Variants in PTPRG observed in about 807,000 individuals in gnomAD.
The protein encoded by PTPRG is protein tyrosine phosphatase receptor type G.
PTPRG carries 102 observed loss-of-function variants against 165.3 expected under a neutral mutation model. That is an observed-to-expected ratio of 0.62 (90% CI 0.53 to 0.73). The LOEUF (loss-of-function observed/expected upper bound fraction) is 0.73, where lower values mean the gene tolerates loss of function less well. Ranked by LOEUF, PTPRG falls within the 30% of genes least tolerant of loss-of-function variation. The probability of loss-of-function intolerance (pLI) is 0.00; values close to 1 mark genes in which losing one functional copy is unlikely to be tolerated. For missense variants in PTPRG, 1,866 were observed against 1,861.4 expected (o/e 1.00, Z -0.05); for synonymous variants, 675 against 669.5 (o/e 1.01, Z -0.13).
At chr3:62,259,838 T>C (rs1701639791) in intron 16 of PTPRG, among the ~76,000 whole-genome samples, 1 of 152,060 alleles carries the variant, frequency 6.6e-6, no homozygotes, top group Non-Finnish European at 1.5e-5. Context: ...TAAATGGCAA[T>C]AAAGCAATAA....
chr3:61,681,563 T>C (rs1437772372), intron 1 of PTPRG, among the ~76,000 whole-genome samples: 1 of 152,134 alleles, frequency 6.6e-6, no homozygotes, highest in Non-Finnish European at 1.5e-5. Context: ...TTGTTTCACC[T>C]TGATATATTT....
intron 1 of PTPRG, among the ~76,000 whole-genome samples, chr3:61,701,418 C>T (rs916003821): frequency 6.6e-6 from 1 of 152,046 alleles, no homozygotes; most frequent in Non-Finnish European, 1.5e-5. Flanking sequence ...AGGCTCGGGT[C>T]ACATTTTCTT....
intron 3 of PTPRG, among the ~76,000 whole-genome samples, chr3:61,997,221 C>A (rs568434454): frequency 2.2e-4 from 34 of 152,314 alleles, no homozygotes; most frequent in African/African-American, 8.2e-4. Context: ...CAGCTCCTCA[C>A]TTATTTCTAC....
At chr3:61,909,917 A>G (rs1194865068) in intron 2 of PTPRG, among the ~76,000 whole-genome samples, 1 of 152,210 alleles carries the variant, frequency 6.6e-6, no homozygotes, top group Non-Finnish European at 1.5e-5. Context: ...CATCAGGTTC[A>G]GAGAGTTTAG....
In PTPRG at chr3:62,252,137, A is replaced by G. The variant is rs751428416; in HGVS notation, c.2468-2987A>G. Among the ~76,000 whole-genome samples, 5 of 152,020 alleles carry G rather than the reference A, an allele frequency of 3.3e-5. No individual in the cohort carries two copies. The highest frequency in any genetic ancestry group is 4.8e-5 in the African/African-American group (2 of 41,378). ...CCACCACCACCACTGCATCAGTGAC[A>G]TTTACTCCCACTGTCATCAAATCCA... On this transcript the variant is annotated intron_variant, in intron 15 of 29. Transcript: ENST00000474889. This position sits in a 1 kb window ranked among gnomAD's most constrained non-coding sequence, Gnocchi z 4.6.
At chr3:61,893,397 T>C (rs1304291843) in intron 2 of PTPRG, among the ~76,000 whole-genome samples, 2 of 152,206 alleles carry the variant, frequency 1.3e-5, no homozygotes, top group Admixed American at 6.5e-5. Flanking sequence ...CCCCATAAGG[T>C]AGTCAATGTC....
chr3:62,222,680 A>G lies in PTPRG; in HGVS notation c.2288+3697A>G, dbSNP rs925709078. On this transcript the variant is annotated intron_variant, in intron 13 of 29. Coordinates refer to ENST00000474889, the MANE Select transcript of PTPRG (RefSeq NM_002841.4). The surrounding 1 kb of genome is among the most constrained non-coding windows in gnomAD (Gnocchi z 4.5). ...CCAAAGGACCATCAAGACCTAAAAA[A>G]GTGAGTAGAAGGTTCAGCTAAGTAT... Among the ~76,000 whole-genome samples the G allele has an allele frequency of 6.6e-6, 1 of 152,232 alleles. No homozygotes were observed. The highest frequency in any genetic ancestry group is 6.5e-5 in the Admixed American group (1 of 15,290).
At chr3:62,003,528 CTG>C in intron 4 of PTPRG, 31 bp downstream of exon 4, 1 of 1,610,966 alleles carries the variant, frequency 6.2e-7, no homozygotes, top group East Asian at 2.2e-5. Context: ...CAACGTGTAG[CTG>C]TGCTTCGGTC....
At chr3:61,643,156 C>T (rs986309246) in intron 1 of PTPRG, among the ~76,000 whole-genome samples, 5 of 152,024 alleles carry the variant, frequency 3.3e-5, no homozygotes, top group South Asian at 2.1e-4. Flanking sequence ...GAGACATATC[C>T]ATGAAAGTCT....
At chr3:61,583,100 G>A (rs1206407997) in intron 1 of PTPRG, among the ~76,000 whole-genome samples, 1 of 152,218 alleles carries the variant, frequency 6.6e-6, no homozygotes, top group Non-Finnish European at 1.5e-5. Context: ...AATCATGCAT[G>A]TCTGGGACTT....
Position 62,281,668 on chromosome 3 carries a change from G to GAACAAATT in PTPRG, c.3873_3880dup (p.Ile1294AsnfsTer19). 1 of 1,610,696 alleles carries GAACAAATT rather than the reference G, an allele frequency of 6.2e-7. No individual in the cohort carries two copies. The highest frequency in any genetic ancestry group is 1.1e-5 in the South Asian group (1 of 90,904). On this transcript the variant is annotated frameshift_variant, in exon 27 of 30. Transcript: ENST00000474889. LOFTEE classifies it high-confidence loss of function. ...AGACAGACTGTGCCTCTCTAATGAA[G>GAACAAATT]AACAAATTATCATCCATGACTTTAT...
At chr3:61,860,434 CTTTTTTTTTTT>C (rs766688465) in intron 2 of PTPRG, among the ~76,000 whole-genome samples, 67 of 95,558 alleles carry the variant, frequency 7.0e-4, no homozygotes, top group East Asian at 4.0e-3. Flanking sequence ...GTTTTTGTTC[CTTTTTTTTTTT>C]TTTTTTTTTT....
At chr3:61,863,100 G>C (rs1441622531) in intron 2 of PTPRG, among the ~76,000 whole-genome samples, 1 of 152,214 alleles carries the variant, frequency 6.6e-6, no homozygotes, top group Admixed American at 6.5e-5. Flanking sequence ...ACTGCACAAG[G>C]ATGTGCAGAC....
At chr3:61,576,566 C>G (rs539077353) in intron 1 of PTPRG, among the ~76,000 whole-genome samples, 1 of 152,278 alleles carries the variant, frequency 6.6e-6, no homozygotes, top group East Asian at 1.9e-4. Context: ...GCTACTGAAG[C>G]CTGAACGAGG....
intron 2 of PTPRG, among the ~76,000 whole-genome samples, chr3:61,966,422 T>TGATGGAATGTTCATTCA (rs566691342): frequency 1.6e-3 from 242 of 152,310 alleles, no homozygotes; most frequent in African/African-American, 5.7e-3. Flanking sequence ...GGCTCTGTCC[T>TGATGGAATGTTCATTCA]GATGGAATGT....
chr3:61,610,539 G>C (rs1424485355), intron 1 of PTPRG, among the ~76,000 whole-genome samples: 2 of 152,158 alleles, frequency 1.3e-5, no homozygotes, highest in Non-Finnish European at 2.9e-5. Flanking sequence ...AGATTATATC[G>C]TATGTTTGCC....
chr3:61,827,113 A>G (rs1279847750), intron 2 of PTPRG, among the ~76,000 whole-genome samples: 2 of 152,180 alleles, frequency 1.3e-5, no homozygotes, highest in East Asian at 3.9e-4. Context: ...GTGTTCTTCT[A>G]TCCTCTATAG....
Position 62,160,888 on chromosome 3 carries a change from T to C in PTPRG, c.840+3664T>C, listed in dbSNP as rs546936991. Among the ~76,000 whole-genome samples the C allele has an allele frequency of 1.4e-3, 198 of 145,272 alleles. 1 individual carries two copies. Among genetic ancestry groups the C allele is most frequent in the African/African-American group, 5.0e-3 (193 of 38,960 alleles). On this transcript the variant is annotated intron_variant, in intron 7 of 29. Coordinates refer to ENST00000474889, the MANE Select transcript of PTPRG (RefSeq NM_002841.4). Reference sequence around the variant, plus strand: ...GATTTTTTTTTTTTTTTTTTTTTTTTCTGACAGTAAGCTGGAGTGGACAGA... The same window carrying C: ...GATTTTTTTTTTTTTTTTTTTTTTTCCTGACAGTAAGCTGGAGTGGACAGA...
intron 2 of PTPRG, among the ~76,000 whole-genome samples, chr3:61,752,797 A>AAAAG (rs1559592520): frequency 3.8e-5 from 4 of 103,998 alleles, no homozygotes; most frequent in Admixed American, 9.7e-5. Context: ...AAAAAAAAAA[A>AAAAG]AAAAGAAAAA....
Sources: allele counts gnomAD v4.1 joint callset (sites outside exome capture counted in the v4.1 genomes callset), GRCh38; gene constraint gnomAD v4.1.1; non-coding constraint Gnocchi (gnomAD v3.1); transcripts MANE v1.5; gene names NCBI Gene and HGNC (gene_info 2026-07-23, HGNC 2026-07-21).